The following ZFX variants were observed in gnomAD, a reference collection of about 807,000 sequenced individuals.
ZFX encodes the protein zinc finger protein X-linked.
For missense variants in ZFX, 362 were observed against 628.3 expected, an observed-to-expected ratio of 0.58 and a Z score of 4.53; for synonymous variants, 196 against 226.8, an observed-to-expected ratio of 0.86 and a Z score of 1.22.
chrX:24,201,888 CTT>C (rs756098717), intron 5 of ZFX, among the ~76,000 whole-genome samples: 1 of 112,234 alleles, frequency 8.9e-6, no homozygotes, highest in East Asian at 2.8e-4. Flanking sequence ...ACTGCAAAGA[CTT>C]TAACCAGTTG....
chrX:24,158,899 T>C (rs1932971322), intron 3 of ZFX, among the ~76,000 whole-genome samples: 1 of 110,710 alleles, frequency 9.0e-6, no homozygotes, highest in Admixed American at 9.6e-5. Context: ...CTTTTACTTA[T>C]CATTTTAGAG....
chrX:24,187,302 GC>G (rs1403878752), intron 5 of ZFX, among the ~76,000 whole-genome samples: 1 of 110,617 alleles, frequency 9.0e-6, no homozygotes, highest in South Asian at 3.9e-4. Context: ...TCTCTTATTG[GC>G]CCCCCCTTTC....
chrX:24,183,588 A>G (rs1270486986), intron 5 of ZFX, among the ~76,000 whole-genome samples: 1 of 111,896 alleles, frequency 8.9e-6, no homozygotes, highest in Non-Finnish European at 1.9e-5. Context: ...ACATGACACC[A>G]CAAGTGGAAA....
intron 5 of ZFX, among the ~76,000 whole-genome samples, chrX:24,203,719 A>G: frequency 9.0e-6 from 1 of 111,656 alleles, no homozygotes; most frequent in Admixed American, 9.5e-5. Context: ...GCAATATTGA[A>G]CCATGCATTC....
intron 5 of ZFX, among the ~76,000 whole-genome samples, chrX:24,194,398 C>T (rs755197552): frequency 1.8e-5 from 2 of 111,037 alleles, no homozygotes; most frequent in Non-Finnish European, 3.8e-5. Flanking sequence ...GCACATTCTC[C>T]TCATGTCCAT....
chrX:24,204,122 G>A lies in ZFX; in HGVS notation c.647-3204G>A, dbSNP rs190487204. On this transcript the variant is annotated intron_variant, in intron 5 of 9. Transcript: ENST00000304543. ...GACCAAAACAACAACTGCTTTCAGTGACCCAGAGTTTGGGAATCTTGAACT... is the reference window on the plus strand; with the variant it reads ...GACCAAAACAACAACTGCTTTCAGTAACCCAGAGTTTGGGAATCTTGAACT... 1.2e-3 allele frequency among the ~76,000 whole-genome samples: 138 copies of A among 112,042 alleles called. 1 individual carries two copies. Among genetic ancestry groups the A allele is most frequent in the African/African-American group, 4.3e-3 (133 of 30,857 alleles).
chrX:24,162,055 G>GA lies in ZFX; in HGVS notation c.-29+9241dup, dbSNP rs202137665. 8.8e-3 allele frequency among the ~76,000 whole-genome samples: 728 copies of GA among 82,320 alleles called. 16 individuals are homozygous for GA. Among genetic ancestry groups the GA allele is most frequent in the Admixed American group, 0.056 (417 of 7,508 alleles). The allele number at this position is 82,320 out of a possible 115,157, so 71.5% of individuals were successfully genotyped here. A position where few individuals can be genotyped will look rare whatever the true frequency, so the allele number is the denominator to read the frequency against. ...TTTCTCTATTTATTTGTCTAAAAAG[G>GA]AAAAAAAAAAAAAAAAGAAATCTCT... On this transcript the variant is annotated intron_variant, in intron 3 of 9. Transcript: ENST00000304543.
chrX:24,195,092 A>T (rs976056228), intron 5 of ZFX, among the ~76,000 whole-genome samples: 2 of 111,950 alleles, frequency 1.8e-5, no homozygotes, highest in Non-Finnish European at 3.8e-5. Flanking sequence ...GCTGAAAGTC[A>T]CAATTTCCGA....
intron 4 of ZFX, chrX:24,173,493 T>G (rs1934825929): frequency 9.8e-7 from 1 of 1,018,124 alleles, no homozygotes; most frequent in Admixed American, 3.9e-5. Context: ...CAGGAAGTTC[T>G]AAAAATAGGA....
chrX:24,192,893 CAA>C (rs759166413), intron 5 of ZFX, among the ~76,000 whole-genome samples: 38 of 48,445 alleles, frequency 7.8e-4, no homozygotes, highest in Middle Eastern at 0.015. Flanking sequence ...GACCCTGTCT[CAA>C]AAAAAAAAAA....
chrX:24,177,548 C>T (rs925280114), intron 4 of ZFX: 3 of 250,124 alleles, frequency 1.2e-5, no homozygotes, highest in Non-Finnish European at 1.7e-5. Flanking sequence ...TACTCTCAAC[C>T]TCCACCACTC....
intron 5 of ZFX, among the ~76,000 whole-genome samples, chrX:24,199,657 C>T (rs1937158086): frequency 9.0e-6 from 1 of 111,168 alleles, no homozygotes; most frequent in African/African-American, 3.3e-5. Flanking sequence ...GTGGCTCATG[C>T]CTGTAATCCC....
At chrX:24,204,973 T>G (rs1297514954) in intron 5 of ZFX, among the ~76,000 whole-genome samples, 1 of 112,413 alleles carries the variant, frequency 8.9e-6, no homozygotes, top group Non-Finnish European at 1.9e-5. Context: ...AGCCCTTGAC[T>G]TTTTCATATT....
At chrX:24,156,659 C>T (rs867138971) in intron 3 of ZFX, among the ~76,000 whole-genome samples, 1 of 54,691 alleles carries the variant, frequency 1.8e-5, no homozygotes, top group Non-Finnish European at 3.0e-5. Context: ...TTAATAATAG[C>T]CTTTTTTTTT....
intron 5 of ZFX, among the ~76,000 whole-genome samples, chrX:24,192,105 T>G (rs1249986797): frequency 8.9e-6 from 1 of 111,822 alleles, no homozygotes; most frequent in Non-Finnish European, 1.9e-5. Flanking sequence ...GGTTAGAGGT[T>G]TAAAAAACAT....
chrX:24,209,214 C>T, intron 9 of ZFX, 174 bp downstream of exon 9: 3 of 775,775 alleles, frequency 3.9e-6, no homozygotes, highest in Middle Eastern at 4.0e-4. Context: ...TGAATGATTT[C>T]CTTGGATAAA....
intron 5 of ZFX, among the ~76,000 whole-genome samples, chrX:24,196,704 C>A (rs1936947235): frequency 9.0e-6 from 1 of 111,002 alleles, no homozygotes; most frequent in Non-Finnish European, 1.9e-5. Flanking sequence ...CTCAAACAGT[C>A]CTCCTGCCTC....
chrX:24,210,077 T>C (rs1236419668), intron 9 of ZFX, 116 bp from the exon 10 acceptor site: 1 of 918,717 alleles, frequency 1.1e-6, no homozygotes, highest in Non-Finnish European at 1.5e-6. Flanking sequence ...AAGCAGCAAA[T>C]AGTCCAATTT....
upstream of ZFX, chrX:24,149,025 C>G (rs1002361365): frequency 2.3e-4 from 26 of 111,052 alleles, no homozygotes; most frequent in African/African-American, 7.5e-4. Context: ...TAACCCTTCT[C>G]CCCCCACTCC....
Sources: gnomAD v4.1 joint callset for allele counts (sites outside exome capture counted in the v4.1 genomes callset) on GRCh38, gnomAD v4.1.1 for gene constraint, MANE v1.5 for transcripts, NCBI Gene and HGNC (gene_info 2026-07-23, HGNC 2026-07-21) for gene names.